The following HIVEP2 variants were observed in gnomAD, a reference collection of about 807,000 sequenced individuals.
HIVEP2 encodes the protein HIVEP zinc finger 2.
Under a neutral mutation model 180.7 loss-of-function variants are expected in HIVEP2, and 14 were observed. The ratio of observed to expected loss-of-function variants is 0.08; its 90% confidence interval spans 0.05 to 0.12. The LOEUF is 0.12. Ranked by LOEUF, HIVEP2 falls within the 10% of genes least tolerant of loss-of-function variation. HIVEP2 has a pLI of 1.00. For missense variants in HIVEP2, 2,579 were observed against 3,008.5 expected (o/e 0.86, Z 3.34); for synonymous variants, 1,184 against 1,136.4 (o/e 1.04, Z -0.84).
chr6:142,760,855 T>C (rs1775214015), intron 8 of HIVEP2, among the ~76,000 whole-genome samples, 188 bp from the exon 9 acceptor site: 1 of 152,182 alleles, frequency 6.6e-6, no homozygotes, highest in Non-Finnish European at 1.5e-5. Context: ...TTCTTGTATA[T>C]CTATTTGTTT....
chr6:142,847,078 C>T (rs1031303096), intron 1 of HIVEP2, among the ~76,000 whole-genome samples: 2 of 152,168 alleles, frequency 1.3e-5, no homozygotes, highest in Non-Finnish European at 2.9e-5. Flanking sequence ...CAACTCTAAT[C>T]CACCCTGTAC....
chr6:142,901,549 C>G (rs1003638327), intron 1 of HIVEP2, among the ~76,000 whole-genome samples: 2 of 152,124 alleles, frequency 1.3e-5, no homozygotes, highest in African/African-American at 4.8e-5. Context: ...CTAGCACAAC[C>G]TCAATGTCTA....
chr6:142,760,235 A>C lies in HIVEP2; in HGVS notation c.6053T>G (p.Ile2018Arg). The C allele has an allele frequency of 6.2e-7, 1 of 1,614,116 alleles. No homozygotes were observed. Residue 2018 changes from isoleucine to arginine, a missense_variant, in exon 9 of 10, where the codon ATA becomes AGA. Transcript: ENST00000367603. ...DSEPDKDRLD[I>R]PSCMDEECML... ...GCACTCCTCATCCATACAACTAGGT[A>C]TGTCCAATCTGTCTTTGTCTGGTTC...
intron 1 of HIVEP2, among the ~76,000 whole-genome samples, chr6:142,866,072 T>A (rs1441140852): frequency 2.0e-5 from 3 of 151,832 alleles, no homozygotes; most frequent in Non-Finnish European, 4.4e-5. Context: ...AAAATACCTG[T>A]TTTGGAGGGC....
rs542045084 is a variant in HIVEP2 at position 142,885,143 on chromosome 6, G to A, written c.-640-48096C>T. On this transcript the variant is annotated intron_variant, in intron 1 of 9. Coordinates refer to ENST00000367603, the MANE Select transcript of HIVEP2 (RefSeq NM_006734.4). The stretch of plus-strand genomic sequence containing the variant: ...ATCTTAACTAATTGAAGAAAACTCA[G>A]TGCCTTCTCCAGTCAACCCCATGGA... 2.0e-5 allele frequency among the ~76,000 whole-genome samples: 3 copies of A among 152,208 alleles called. No homozygotes were observed. The East Asian group carries it at 5.8e-4, about 29-fold the overall frequency.
rs1375981942 is a variant in HIVEP2 at position 142,752,389 on chromosome 6, T to C, written c.*718A>G. 1.3e-5 allele frequency: 2 copies of C among 152,670 alleles called. No individual in the cohort carries two copies. Among genetic ancestry groups the C allele is most frequent in the Non-Finnish European group, 2.9e-5 (2 of 68,040 alleles). 9.5% of individuals were successfully genotyped at this position (152,670 alleles called of 1,614,324 possible). A position where few individuals can be genotyped will look rare whatever the true frequency, so the allele number is the denominator to read the frequency against. On this transcript the variant is annotated 3_prime_UTR_variant, in exon 10 of 10. Transcript: ENST00000367603. ...AAAATCACAATCAGCACTTAAGTTA[T>C]AGTCAATCCAGCAAACAAGAGACAA...
At chr6:142,923,326 G>A (rs546546801) in intron 1 of HIVEP2, among the ~76,000 whole-genome samples, 77 of 149,258 alleles carry the variant, frequency 5.2e-4, no homozygotes, top group Non-Finnish European at 9.0e-4. Flanking sequence ...GCAAGACTCC[G>A]TCTCAAAAAA....
intron 1 of HIVEP2, among the ~76,000 whole-genome samples, chr6:142,869,452 TC>T (rs1164467828): frequency 1.3e-5 from 2 of 152,204 alleles, no homozygotes; most frequent in Non-Finnish European, 2.9e-5. Flanking sequence ...AATAATGTGT[TC>T]AAATGTAATA....
At chr6:142,883,051 A>C (rs1776611014) in intron 1 of HIVEP2, among the ~76,000 whole-genome samples, 1 of 152,044 alleles carries the variant, frequency 6.6e-6, no homozygotes, top group African/African-American at 2.4e-5. Context: ...ACAGTACAGG[A>C]TCTGCTTGAA....
chr6:142,794,667 G>A (rs1262924602), intron 2 of HIVEP2, among the ~76,000 whole-genome samples: 1 of 152,164 alleles, frequency 6.6e-6, no homozygotes, highest in Non-Finnish European at 1.5e-5. Flanking sequence ...CAGCAGACAA[G>A]GCAAATGCAT....
chr6:142,896,425 T>C (rs1776994629), intron 1 of HIVEP2, among the ~76,000 whole-genome samples: 1 of 152,172 alleles, frequency 6.6e-6, no homozygotes, highest in African/African-American at 2.4e-5. Flanking sequence ...TTTGGTTCAC[T>C]GGTTTTTCGG....
chr6:142,815,139 A>G (rs1309167906), intron 2 of HIVEP2, among the ~76,000 whole-genome samples: 1 of 152,174 alleles, frequency 6.6e-6, no homozygotes. Context: ...GCATTAATCC[A>G]TTCATGAAGG....
intron 1 of HIVEP2, among the ~76,000 whole-genome samples, chr6:142,877,314 G>T (rs1385733568): frequency 6.6e-6 from 1 of 152,014 alleles, no homozygotes; most frequent in Non-Finnish European, 1.5e-5. Context: ...GTTTTATTAG[G>T]TGACTGCTAA....
At chr6:142,918,072 G>A (rs1216438413) in intron 1 of HIVEP2, among the ~76,000 whole-genome samples, 1 of 151,406 alleles carries the variant, frequency 6.6e-6, no homozygotes, top group Non-Finnish European at 1.5e-5. Context: ...CATGCCCGGA[G>A]CGTCTGTAAT....
chr6:142,764,967 A>T lies in HIVEP2; in HGVS notation c.5350T>A (p.Ser1784Thr), dbSNP rs752208914. The T allele has an allele frequency of 6.2e-7, 1 of 1,602,578 alleles. No individual in the cohort carries two copies. Among genetic ancestry groups the T allele is most frequent in the South Asian group, 1.1e-5 (1 of 90,318 alleles). The change falls in exon 7 of 10, where the codon TCG becomes ACG. Residue 1784 changes from serine to threonine, a missense_variant. Around this residue, in one of 11 missense-constraint regions of HIVEP2, gnomAD observed 21 missense variants for 86.8 expected, o/e 0.24. Transcript: ENST00000367603. Reference sequence around the variant, plus strand: ...CTGACATATACATAATCTTCATTCGATTTGTACCTGTTTTAAAAAGAGGGA... The same window carrying T: ...CTGACATATACATAATCTTCATTCGTTTTGTACCTGTTTTAAAAAGAGGGA... ...RIKIFEGGYK[S>T]NEDYVYVRGR...
At chr6:142,872,858 AT>A (rs976295501) in intron 1 of HIVEP2, among the ~76,000 whole-genome samples, 49 of 152,160 alleles carry the variant, frequency 3.2e-4, no homozygotes, top group African/African-American at 9.7e-5. Flanking sequence ...TTCCCACTGG[AT>A]GCTTTTCAGT....
In HIVEP2 at chr6:142,771,389, G is replaced by A; in HGVS notation, c.3350C>T (p.Ser1117Phe). Residue 1117 changes from serine to phenylalanine, a missense_variant, in exon 5 of 10, where the codon TCC (serine) becomes TTC (phenylalanine). Coordinates refer to ENST00000367603, the MANE Select transcript of HIVEP2 (RefSeq NM_006734.4). The surrounding 1 kb of genome is among the most constrained non-coding windows in gnomAD (Gnocchi z 5.4). ...AGCAGGCGGGCCATGGTGCCACCCG[G>A]ACCGGAGGCCAGCATGCAGGTGCTC... ...QLEHLHAGLR[S>F]GWHHGPPAVL... is the part of the protein sequence containing the mutation. 6.2e-7 allele frequency: 1 copy of A among 1,613,060 alleles called. No individual in the cohort carries two copies. Among genetic ancestry groups the A allele is most frequent in the Non-Finnish European group, 8.5e-7 (1 of 1,179,956 alleles).
At chr6:142,884,308 GA>G (rs146245518) in intron 1 of HIVEP2, among the ~76,000 whole-genome samples, 1,821 of 144,896 alleles carry the variant, frequency 0.013, 47 homozygotes, top group African/African-American at 0.043. Flanking sequence ...CTTTGTTCTG[GA>G]AAAAAAAAAG....
chr6:142,802,409 G>C (rs757779497), intron 2 of HIVEP2, among the ~76,000 whole-genome samples: 1 of 152,054 alleles, frequency 6.6e-6, no homozygotes, highest in Non-Finnish European at 1.5e-5. Context: ...ACAGGACACA[G>C]GTTTGGTAAA....
Sources: allele counts gnomAD v4.1 joint callset (sites outside exome capture counted in the v4.1 genomes callset), GRCh38; gene constraint gnomAD v4.1.1; regional missense constraint gnomAD v4.1.1; non-coding constraint Gnocchi (gnomAD v3.1); transcripts MANE v1.5; gene names NCBI Gene and HGNC (gene_info 2026-07-23, HGNC 2026-07-21).